The following STIM1 variants were observed in gnomAD, a reference collection of about 807,000 sequenced individuals.
STIM1 encodes stromal interaction molecule 1.
STIM1 carries 25 observed loss-of-function variants against 74.7 expected under a neutral mutation model. The observed-to-expected ratio is 0.33, with a 90% CI of 0.24 to 0.47. The LOEUF (loss-of-function observed/expected upper bound fraction) is 0.47. Ranked by LOEUF, STIM1 falls within the 20% of genes least tolerant of loss-of-function variation. The pLI is 1.00. For missense variants in STIM1, 728 were observed against 920.8 expected (o/e 0.79, Z 2.71); for synonymous variants, 328 against 348.8 (o/e 0.94, Z 0.66).
At chr11:4,015,591 G>A (rs938857848) in intron 2 of STIM1, among the ~76,000 whole-genome samples, 1 of 152,190 alleles carries the variant, frequency 6.6e-6, no homozygotes, top group Admixed American at 6.5e-5. Flanking sequence ...ATGTTGGCCT[G>A]CCTTGCTAGG....
intron 1 of STIM1, among the ~76,000 whole-genome samples, chr11:3,912,266 CTCCCCTCTCT>C (rs2092576559): frequency 6.9e-6 from 1 of 144,374 alleles, no homozygotes; most frequent in African/African-American, 2.6e-5. Context: ...CTTCCCTCCC[CTCCCCTCTCT>C]TCCCCTCTCT....
chr11:4,081,094 C>T (rs766703114), intron 7 of STIM1, among the ~76,000 whole-genome samples: 1 of 152,134 alleles, frequency 6.6e-6, no homozygotes, highest in Non-Finnish European at 1.5e-5. Flanking sequence ...CTGAGGCCCT[C>T]CTGGCCTATC....
At chr11:3,991,169 C>CTTTTTTT (rs1246143538) in intron 2 of STIM1, among the ~76,000 whole-genome samples, 1 of 124,222 alleles carries the variant, frequency 8.1e-6, no homozygotes. Flanking sequence ...TCTTTCCTTT[C>CTTTTTTT]TTTTTTTTTT....
chr11:3,887,397 T>C (rs2091748341), intron 1 of STIM1, among the ~76,000 whole-genome samples: 1 of 152,178 alleles, frequency 6.6e-6, no homozygotes, highest in Admixed American at 6.5e-5. Context: ...CTAGAAGTGC[T>C]TAATATATTG....
chr11:3,937,319 A>ATAATAATAATAATAATAATAG (rs55981710), intron 1 of STIM1, among the ~76,000 whole-genome samples: 142 of 149,026 alleles, frequency 9.5e-4, no homozygotes, highest in South Asian at 5.3e-3. Context: ...AATAATAATA[A>ATAATAATAATAATAATAATAG]AATATCTGGA....
intron 1 of STIM1, among the ~76,000 whole-genome samples, chr11:3,857,264 T>C (rs973540635): frequency 3.3e-5 from 5 of 151,878 alleles, no homozygotes; most frequent in African/African-American, 4.8e-5. Flanking sequence ...TTTGTTTTGT[T>C]TTTTTGAGAC....
chr11:4,018,458 CAAA>C (rs1157096857), intron 2 of STIM1, among the ~76,000 whole-genome samples: 1 of 20,536 alleles, frequency 4.9e-5, no homozygotes. Flanking sequence ...GACTCCGTCT[CAAA>C]AAAAAAAAAA....
At chr11:3,873,058 C>G (rs951153316) in intron 1 of STIM1, among the ~76,000 whole-genome samples, 1 of 151,748 alleles carries the variant, frequency 6.6e-6, no homozygotes, top group South Asian at 2.1e-4. Context: ...AAATGATCCT[C>G]CTACCTCAGC....
At chr11:4,035,132 T>C (rs2132948907) in intron 3 of STIM1, among the ~76,000 whole-genome samples, 1 of 152,286 alleles carries the variant, frequency 6.6e-6, no homozygotes, top group African/African-American at 2.4e-5. Flanking sequence ...TTTGCTCTTT[T>C]ATTTTTTAGT....
intron 1 of STIM1, among the ~76,000 whole-genome samples, chr11:3,920,171 G>T (rs949455552): frequency 1.3e-5 from 2 of 151,332 alleles, no homozygotes; most frequent in Non-Finnish European, 2.9e-5. Context: ...ATATTACCCA[G>T]ACTGGTTTCA....
chr11:4,046,059 C>CTTTTTTTT (rs35783768), intron 3 of STIM1, among the ~76,000 whole-genome samples: 2 of 59,030 alleles, frequency 3.4e-5, no homozygotes, highest in East Asian at 6.4e-4. Flanking sequence ...CGTGAGCTAC[C>CTTTTTTTT]TTTTTTTTTT....
intron 1 of STIM1, among the ~76,000 whole-genome samples, chr11:3,958,010 C>T (rs560371189): frequency 1.3e-5 from 2 of 152,266 alleles, no homozygotes; most frequent in East Asian, 1.9e-4. Flanking sequence ...GGACTACAGG[C>T]GCGTGCCATC....
Position 3,967,625 on chromosome 11 carries a change from C to T in STIM1, c.213C>T (p.Ile71=). Residue 71 remains isoleucine, a synonymous_variant, in exon 2 of 13, where the codon ATC becomes ATT. Coordinates refer to ENST00000526596, the MANE Select transcript of STIM1 (RefSeq NM_001382567.1). ...EKLSFEAVRN[I]HKLMDDDANG... ...TCAGCTTCGAGGCAGTCCGTAACAT[C>T]CACAAACTGATGGACGATGATGCCA... 4 of 1,614,230 alleles carry T rather than the reference C, an allele frequency of 2.5e-6. No homozygotes were observed. Among genetic ancestry groups the T allele is most frequent in the Non-Finnish European group, 3.4e-6 (4 of 1,180,034 alleles).
At position 4,052,935 on chromosome 11, in the gene STIM1, C is replaced by A. The variant is rs528465561; in HGVS notation, c.386-2591C>A. ...AGTAGGCGAAGGATATGAACAGACACTTCTCAAAAGAAGACATTTATGCAG... is the reference window on the plus strand; with the variant it reads ...AGTAGGCGAAGGATATGAACAGACAATTCTCAAAAGAAGACATTTATGCAG... On this transcript the variant is annotated intron_variant, in intron 3 of 12. Coordinates refer to ENST00000526596, the MANE Select transcript of STIM1 (RefSeq NM_001382567.1). 2.4e-4 allele frequency among the ~76,000 whole-genome samples: 36 copies of A among 152,338 alleles called. 2 individuals carry two copies. The South Asian group carries it at 7.0e-3, about 30-fold the overall frequency.
intron 2 of STIM1, among the ~76,000 whole-genome samples, chr11:4,016,484 C>T (rs1404456430): frequency 6.6e-6 from 1 of 152,194 alleles, no homozygotes; most frequent in Non-Finnish European, 1.5e-5. Context: ...GAGGTGTCTC[C>T]CAGTCAGGCT....
rs543227600 is a variant in STIM1 at position 4,033,845 on chromosome 11, C to T, written c.385+9858C>T. 1.1e-4 allele frequency among the ~76,000 whole-genome samples: 16 copies of T among 151,812 alleles called. 1 individual carries two copies. Among genetic ancestry groups the T allele is most frequent in the African/African-American group, 2.7e-4 (11 of 41,394 alleles). On this transcript the variant is annotated intron_variant, in intron 3 of 12. Transcript: ENST00000526596. ...CGATCTCCTGACCTCGTGATCTGCCCGCCTCGGCCTCCCAAAGTGCCAGGA... is the reference window on the plus strand; with the variant it reads ...CGATCTCCTGACCTCGTGATCTGCCTGCCTCGGCCTCCCAAAGTGCCAGGA...
At chr11:4,003,756 A>G (rs1349695521) in intron 2 of STIM1, among the ~76,000 whole-genome samples, 1 of 152,238 alleles carries the variant, frequency 6.6e-6, no homozygotes, top group Non-Finnish European at 1.5e-5. Flanking sequence ...GGCAGAAGAA[A>G]GAAATAAAGG....
At chr11:4,072,640 G>C (rs1041305815) in intron 6 of STIM1, among the ~76,000 whole-genome samples, 1 of 152,194 alleles carries the variant, frequency 6.6e-6, no homozygotes, top group Non-Finnish European at 1.5e-5. Flanking sequence ...AAGGGTGTCA[G>C]TCTTGATTCT....
chr11:3,870,265 C>G (rs971958941), intron 1 of STIM1, among the ~76,000 whole-genome samples: 4 of 152,144 alleles, frequency 2.6e-5, no homozygotes, highest in Non-Finnish European at 5.9e-5. Flanking sequence ...ATTAAACTTC[C>G]TAACAAAGCT....
Sources: allele counts gnomAD v4.1 joint callset (sites outside exome capture counted in the v4.1 genomes callset), GRCh38; gene constraint gnomAD v4.1.1; transcripts MANE v1.5; gene names NCBI Gene and HGNC (gene_info 2026-07-23, HGNC 2026-07-21).